The following PRTFDC1 variants were observed in gnomAD, a reference collection of about 807,000 sequenced individuals.
PRTFDC1 encodes the protein phosphoribosyl transferase domain containing 1.
In PRTFDC1, 38 loss-of-function variants were observed where a neutral mutation model predicts 34.6. The observed-to-expected ratio is 1.10, with a 90% confidence interval of 0.85 to 1.44. The LOEUF (loss-of-function observed/expected upper bound fraction) is 1.44, where lower values mean the gene tolerates loss of function less well. Among genes scored for constraint, PRTFDC1 ranks in the 40% most tolerant of loss-of-function variants. The pLI, the probability that PRTFDC1 is intolerant of heterozygous loss-of-function variation, is 0.00. For missense variants in PRTFDC1, 270 were observed against 283.0 expected (o/e 0.95, Z 0.33); for synonymous variants, 93 against 98.1 (o/e 0.95, Z 0.31).
At chr10:24,871,951 A>C in intron 4 of PRTFDC1, 47 bp downstream of exon 4, 1 of 1,515,110 alleles carries the variant, frequency 6.6e-7, no homozygotes, top group Non-Finnish European at 9.1e-7. Context: ...CAGGTCACCG[A>C]TGCCCCCAGA....
chr10:24,869,779 C>T (rs1847844258), intron 4 of PRTFDC1, among the ~76,000 whole-genome samples: 1 of 152,232 alleles, frequency 6.6e-6, no homozygotes, highest in Non-Finnish European at 1.5e-5. Context: ...TCCTCCCTCA[C>T]TCAGCACCTT....
intron 3 of PRTFDC1, among the ~76,000 whole-genome samples, chr10:24,921,708 C>T: frequency 1.0e-5 from 1 of 98,992 alleles, no homozygotes; most frequent in African/African-American, 4.6e-5. Flanking sequence ...CATTTCTGTT[C>T]TCTAGGAAAA....
chr10:24,902,529 A>C (rs542456962), intron 3 of PRTFDC1, among the ~76,000 whole-genome samples: 3 of 152,238 alleles, frequency 2.0e-5, no homozygotes, highest in African/African-American at 7.2e-5. Flanking sequence ...GGAGTACATC[A>C]GAACCAAGAC....
chr10:24,908,564 A>T (rs767833286), intron 3 of PRTFDC1: 1 of 1,612,780 alleles, frequency 6.2e-7, no homozygotes, highest in Non-Finnish European at 8.5e-7. Flanking sequence ...GAGCACTTGG[A>T]GGTAACCTCT....
intron 3 of PRTFDC1, among the ~76,000 whole-genome samples, chr10:24,923,516 T>A (rs1853945): frequency 0.32 from 49,176 of 151,988 alleles, 9,368 homozygotes; most frequent in African/African-American, 0.53. Flanking sequence ...GTAAACGGGG[T>A]CTGGAGTGGA....
chr10:24,869,079 A>G (rs780396277), intron 4 of PRTFDC1, among the ~76,000 whole-genome samples: 1 of 152,188 alleles, frequency 6.6e-6, no homozygotes, highest in Non-Finnish European at 1.5e-5. Context: ...TATACAACAC[A>G]TTGCTGTTAA....
chr10:24,886,356 C>T (rs1848163269), intron 3 of PRTFDC1, among the ~76,000 whole-genome samples: 1 of 152,168 alleles, frequency 6.6e-6, no homozygotes. Flanking sequence ...ATTTAAGTAA[C>T]CTGGTTAAGT....
At chr10:24,908,711 G>C (rs1848578543) in intron 3 of PRTFDC1, 5 of 1,559,892 alleles carry the variant, frequency 3.2e-6, no homozygotes, top group African/African-American at 2.7e-5. Flanking sequence ...ACATGGAGCA[G>C]TGAGGGAGGA....
intron 4 of PRTFDC1, among the ~76,000 whole-genome samples, chr10:24,858,928 G>A (rs1310578637): frequency 6.6e-6 from 1 of 152,140 alleles, no homozygotes; most frequent in East Asian, 1.9e-4. Context: ...AGAAAGGGCT[G>A]GGAGGTGCCT....
intron 4 of PRTFDC1, among the ~76,000 whole-genome samples, chr10:24,869,731 C>T (rs1013405960): frequency 2.6e-5 from 4 of 152,308 alleles, no homozygotes; most frequent in Admixed American, 2.6e-4. Flanking sequence ...CGTTGAATCT[C>T]CTATGAGGAA....
chr10:24,870,766 A>G (rs1276057459), intron 4 of PRTFDC1, among the ~76,000 whole-genome samples: 3 of 152,108 alleles, frequency 2.0e-5, no homozygotes, highest in African/African-American at 7.2e-5. Flanking sequence ...TAGATCTACT[A>G]TGCTGTCTTC....
chr10:24,869,239 C>T (rs1410507139), intron 4 of PRTFDC1, among the ~76,000 whole-genome samples: 1 of 150,982 alleles, frequency 6.6e-6, no homozygotes, highest in African/African-American at 2.4e-5. Flanking sequence ...TAACCTTACT[C>T]ATATCTTGTA....
chr10:24,915,528 G>C (rs1367977262), intron 3 of PRTFDC1, among the ~76,000 whole-genome samples: 2 of 152,174 alleles, frequency 1.3e-5, no homozygotes, highest in African/African-American at 4.8e-5. Flanking sequence ...TCCCATAACT[G>C]GGTGTCCAGA....
chr10:24,938,812 C>T (rs1158555601), intron 2 of PRTFDC1, among the ~76,000 whole-genome samples: 1 of 152,164 alleles, frequency 6.6e-6, no homozygotes, highest in Non-Finnish European at 1.5e-5. Flanking sequence ...GCAGAGAAGG[C>T]ACAAGAAAGC....
chr10:24,930,818 C>T (rs963705772), intron 3 of PRTFDC1, among the ~76,000 whole-genome samples: 11 of 152,108 alleles, frequency 7.2e-5, no homozygotes, highest in Non-Finnish European at 1.6e-4. Context: ...TTCCTTTATT[C>T]CTTTTCATCC....
intron 3 of PRTFDC1, among the ~76,000 whole-genome samples, chr10:24,932,556 A>T (rs60111280): frequency 0.15 from 22,174 of 151,942 alleles, 1,849 homozygotes; most frequent in East Asian, 0.28. Flanking sequence ...AATAGGATCA[A>T]AATCATTAAA....
intron 8 of PRTFDC1, 39 bp from the exon 9 acceptor site, chr10:24,849,930 C>T (rs750959929): frequency 3.7e-6 from 6 of 1,601,192 alleles, no homozygotes; most frequent in Non-Finnish European, 5.1e-6. Context: ...AGTTTCTTAA[C>T]AAAATATGAG....
rs553679780 is a variant in PRTFDC1, at chr10:24,938,845, A to G, written c.156-1478T>C. On this transcript the variant is annotated intron_variant, in intron 2 of 8. Coordinates refer to ENST00000320152, the MANE Select transcript of PRTFDC1 (RefSeq NM_020200.7). Reference sequence around the variant, plus strand: ...AGCTCAGGGGAAAGTAAACATCGAAAGATTTGAAAATGGTTGGAAATTTGA... The same window carrying G: ...AGCTCAGGGGAAAGTAAACATCGAAGGATTTGAAAATGGTTGGAAATTTGA... Among the ~76,000 whole-genome samples, 5 of 152,314 alleles carry G rather than the reference A, an allele frequency of 3.3e-5. No homozygotes were observed. The East Asian group carries it at 9.6e-4, about 29-fold the overall frequency.
intron 3 of PRTFDC1, among the ~76,000 whole-genome samples, chr10:24,921,373 C>T (rs1848784883): frequency 6.6e-6 from 1 of 152,118 alleles, no homozygotes; most frequent in Admixed American, 6.6e-5. Flanking sequence ...AAACAACACA[C>T]AGAGGTCTAT....
Sources: allele counts gnomAD v4.1 joint callset (sites outside exome capture counted in the v4.1 genomes callset), GRCh38; gene constraint gnomAD v4.1.1; transcripts MANE v1.5; gene names NCBI Gene and HGNC (gene_info 2026-07-23, HGNC 2026-07-21).